STX18: variants seen among roughly 807,000 people sequenced by gnomAD.
STX18 encodes the protein syntaxin 18.
In STX18, 40 loss-of-function variants were observed where a neutral mutation model predicts 50.1. The ratio of observed to expected loss-of-function variants is 0.80; its 90% confidence interval spans 0.62 to 1.04. The LOEUF (loss-of-function observed/expected upper bound fraction) is 1.04. STX18 is among the 50% of genes least tolerant of loss of function. The pLI is 0.00. For missense variants in STX18, 410 were observed against 415.8 expected, an observed-to-expected ratio of 0.99 and a Z score of 0.12; for synonymous variants, 158 against 151.8, an observed-to-expected ratio of 1.04 and a Z score of -0.30.
intron 1 of STX18, among the ~76,000 whole-genome samples, chr4:4,519,493 A>G (rs1349619376): frequency 6.6e-6 from 1 of 152,194 alleles, no homozygotes; most frequent in Non-Finnish European, 1.5e-5. Flanking sequence ...CTAGGGACCA[A>G]TAGGTGCCTT....
rs976563934 is a variant in STX18 at position 4,527,048 on chromosome 4, C to T, written c.168+14749G>A. On this transcript the variant is annotated intron_variant, in intron 1 of 10. Transcript: ENST00000306200. ...TTTAACTTCCTCTTGTCATTGCTTG[C>T]TTACAAATCACTGCCTCTGTGTCTG... Among the ~76,000 whole-genome samples the T allele has an allele frequency of 4.6e-5, 7 of 152,114 alleles. No individual in the cohort carries two copies. In the South Asian group the frequency reaches 6.2e-4, roughly 14 times the overall value.
chr4:4,477,748 A>C (rs1158791468), intron 1 of STX18: 1 of 152,238 alleles, frequency 6.6e-6, no homozygotes, highest in Admixed American at 6.5e-5. Context: ...CTATATTTGC[A>C]AGGAAGCACC....
chr4:4,532,705 T>C (rs78536100), intron 1 of STX18, among the ~76,000 whole-genome samples: 2,115 of 152,312 alleles, frequency 0.014, 44 homozygotes, highest in African/African-American at 0.048. Context: ...CAAGATCACA[T>C]AGTAAGCTAT....
intron 1 of STX18, among the ~76,000 whole-genome samples, chr4:4,526,925 A>G (rs1434053844): frequency 6.6e-6 from 1 of 152,228 alleles, no homozygotes; most frequent in African/African-American, 2.4e-5. Flanking sequence ...CAGATTTTCA[A>G]TCATTTACCC....
At chr4:4,444,401 A>G (rs1726279914) in intron 5 of STX18, among the ~76,000 whole-genome samples, 1 of 152,176 alleles carries the variant, frequency 6.6e-6, no homozygotes, top group Non-Finnish European at 1.5e-5. Flanking sequence ...TGAGTTAACT[A>G]CGGCCTGCTA....
At position 4,425,236 on chromosome 4, in the gene STX18, G is replaced by A. The variant is rs1288378283; in HGVS notation, c.703-14C>T. On this transcript the variant is annotated splice_polypyrimidine_tract_variant and intron_variant, in intron 7 of 10. Coordinates refer to ENST00000306200, the MANE Select transcript of STX18 (RefSeq NM_016930.4). ...TTCCTGTTCAAACTGTGAGGAAACA[G>A]ACACACTCAGGATGACATCATACTG... 1 of 1,612,446 alleles carries A rather than the reference G, an allele frequency of 6.2e-7. No individual in the cohort carries two copies. Among genetic ancestry groups the A allele is most frequent in the Non-Finnish European group, 8.5e-7 (1 of 1,178,488 alleles).
At chr4:4,507,315 T>C in intron 1 of STX18, 1 of 731,014 alleles carries the variant, frequency 1.4e-6, no homozygotes. Context: ...ACCTCAAGGC[T>C]CAGCTCACAG....
chr4:4,486,935 A>G (rs1027077331), intron 1 of STX18, among the ~76,000 whole-genome samples: 2 of 152,152 alleles, frequency 1.3e-5, no homozygotes, highest in Non-Finnish European at 2.9e-5. Context: ...ATAGTTCTTG[A>G]CCTTTTTAGG....
chr4:4,456,460 A>G (rs181452145), intron 5 of STX18, among the ~76,000 whole-genome samples: 194 of 152,316 alleles, frequency 1.3e-3, no homozygotes, highest in African/African-American at 4.5e-3. Flanking sequence ...CAGCTCTTGC[A>G]TTCCAGATGC....
At chr4:4,489,928 C>T (rs919408986) in intron 1 of STX18, among the ~76,000 whole-genome samples, 11 of 152,134 alleles carry the variant, frequency 7.2e-5, no homozygotes, top group African/African-American at 2.4e-4. Flanking sequence ...GAATTCAGCT[C>T]AGTGTGAAAG....
chr4:4,538,563 G>A (rs369110155), intron 1 of STX18, among the ~76,000 whole-genome samples: 2 of 143,280 alleles, frequency 1.4e-5, no homozygotes, highest in African/African-American at 2.6e-5. Context: ...GCCTACATGA[G>A]GAGGGGGGAG....
At chr4:4,463,334 A>G (rs952150160) in intron 2 of STX18, among the ~76,000 whole-genome samples, 5 of 152,272 alleles carry the variant, frequency 3.3e-5, no homozygotes, top group Non-Finnish European at 7.3e-5. Flanking sequence ...TGAATTTCAC[A>G]TAATGTTCAC....
At chr4:4,491,528 T>A (rs1350585614) in intron 1 of STX18, among the ~76,000 whole-genome samples, 2 of 152,252 alleles carry the variant, frequency 1.3e-5, no homozygotes, top group East Asian at 3.9e-4. Context: ...ACCTTTAACC[T>A]GGGAACAATT....
intron 1 of STX18, among the ~76,000 whole-genome samples, chr4:4,505,774 ACT>A (rs1173053875): frequency 2.6e-5 from 4 of 152,038 alleles, no homozygotes; most frequent in African/African-American, 7.2e-5. Context: ...GGTGACAGAG[ACT>A]CTGTCTCAAA....
chr4:4,536,689 G>C (rs990049867), intron 1 of STX18, among the ~76,000 whole-genome samples: 14 of 152,192 alleles, frequency 9.2e-5, no homozygotes, highest in Non-Finnish European at 4.4e-5. Context: ...AGCAGGGCCA[G>C]ATCATCTGGC....
chr4:4,500,909 C>G (rs929796826), intron 1 of STX18, among the ~76,000 whole-genome samples: 1 of 151,994 alleles, frequency 6.6e-6, no homozygotes, highest in South Asian at 2.1e-4. Context: ...TGGTGGCGGG[C>G]GCCTATACCC....
At chr4:4,461,634 G>T (rs765508220) in intron 2 of STX18, among the ~76,000 whole-genome samples, 37 of 152,142 alleles carry the variant, frequency 2.4e-4, no homozygotes, top group Non-Finnish European at 4.7e-4. Flanking sequence ...TGCACTGGGA[G>T]GGCAGAAGAG....
intron 1 of STX18, among the ~76,000 whole-genome samples, chr4:4,497,930 T>C (rs186899074): frequency 6.6e-6 from 1 of 152,314 alleles, no homozygotes; most frequent in East Asian, 1.9e-4. Context: ...AAGGAGGTAA[T>C]ATGCCTCTGT....
chr4:4,507,619 T>C (rs1422271720), intron 1 of STX18: 4 of 767,424 alleles, frequency 5.2e-6, no homozygotes, highest in African/African-American at 3.4e-5. Context: ...AGCGAAATTG[T>C]GGGCAAGAGA....
Sources: gnomAD v4.1 joint callset for allele counts (sites outside exome capture counted in the v4.1 genomes callset) on GRCh38, gnomAD v4.1.1 for gene constraint, MANE v1.5 for transcripts, NCBI Gene and HGNC (gene_info 2026-07-23, HGNC 2026-07-21) for gene names.